Variants in TENM3 observed in about 807,000 individuals in gnomAD.
TENM3 encodes the protein teneurin transmembrane protein 3, also known as teneurin-3.
A neutral mutation model predicts 255.1 loss-of-function variants in TENM3; 63 were observed. That is an observed-to-expected ratio of 0.25 (90% CI 0.20 to 0.30). TENM3 has a LOEUF of 0.30. TENM3 is among the 10% of genes least tolerant of loss of function. The pLI is 1.00. For synonymous variants in TENM3, 1,306 were observed against 1,322.3 expected (o/e 0.99, Z 0.27); for missense variants, 2,929 against 3,461.1 (o/e 0.85, Z 3.86).
the TENM3 span, among the ~76,000 whole-genome samples, chr4:181,473,149 AAAT>A: frequency 3.9e-5 from 6 of 152,186 alleles, no homozygotes; most frequent in African/African-American, 9.7e-5. Flanking sequence ...TATTTTAATG[AAAT>A]AATGTTAAAA....
the TENM3 span, among the ~76,000 whole-genome samples, chr4:181,708,014 G>A: frequency 6.6e-6 from 1 of 151,766 alleles, no homozygotes; most frequent in African/African-American, 2.4e-5. Context: ...TGTTTCTATT[G>A]ATGCCTTCAA....
the TENM3 span, among the ~76,000 whole-genome samples, chr4:181,514,428 TG>T: frequency 6.6e-6 from 1 of 152,230 alleles, no homozygotes; most frequent in Non-Finnish European, 1.5e-5. Context: ...TCTGTACTTT[TG>T]CTACAAATTT....
At chr4:181,542,137 G>A in the TENM3 span, among the ~76,000 whole-genome samples, 9 of 152,102 alleles carry the variant, frequency 5.9e-5, no homozygotes, top group African/African-American at 9.7e-5. Context: ...ATGCTATGAC[G>A]GATGCTATGG....
intron 16 of TENM3, among the ~76,000 whole-genome samples, chr4:182,732,073 A>G (rs78293418): frequency 0.026 from 3,962 of 152,010 alleles, 64 homozygotes; most frequent in Middle Eastern, 0.044. Flanking sequence ...GAGCCACCGC[A>G]CCCGGCCTTT....
the TENM3 span, among the ~76,000 whole-genome samples, chr4:182,138,637 G>A: frequency 1.3e-5 from 2 of 152,068 alleles, no homozygotes; most frequent in Non-Finnish European, 2.9e-5. Flanking sequence ...AAATCCAAAG[G>A]GAATTTGGAG....
the TENM3 span, among the ~76,000 whole-genome samples, chr4:182,044,832 C>T: frequency 2.0e-5 from 3 of 152,124 alleles, no homozygotes; most frequent in Non-Finnish European, 4.4e-5. Context: ...AATCAGAGGG[C>T]CCACATGATA....
chr4:181,652,564 C>T, the TENM3 span, among the ~76,000 whole-genome samples: 1 of 152,172 alleles, frequency 6.6e-6, no homozygotes, highest in Non-Finnish European at 1.5e-5. Flanking sequence ...CAGCATTAAT[C>T]CCACGTTGGA....
the TENM3 span, among the ~76,000 whole-genome samples, chr4:181,760,969 TACACACACACACAC>T: frequency 1.4e-4 from 7 of 50,642 alleles, no homozygotes; most frequent in Non-Finnish European, 1.6e-4. Context: ...ACCACACACA[TACACACACACACAC>T]ACACACACAC....
At chr4:181,491,939 G>A in the TENM3 span, among the ~76,000 whole-genome samples, 3 of 152,154 alleles carry the variant, frequency 2.0e-5, no homozygotes, top group East Asian at 5.8e-4. Flanking sequence ...ATATGATAAT[G>A]TTACTTTCAT....
chr4:181,814,584 A>ATGTG, the TENM3 span, among the ~76,000 whole-genome samples: 2 of 117,004 alleles, frequency 1.7e-5, no homozygotes, highest in African/African-American at 3.6e-5. Flanking sequence ...ATATTTTTAA[A>ATGTG]TGCGTGTGTG....
At chr4:182,218,946 C>G (rs761870952) in intron 1 of TENM3, among the ~76,000 whole-genome samples, 1 of 152,156 alleles carries the variant, frequency 6.6e-6, no homozygotes, top group Non-Finnish European at 1.5e-5. Context: ...CATAATAGGC[C>G]GGGTGCAGAG....
At chr4:182,714,585 C>A (rs1374556656) in intron 13 of TENM3, among the ~76,000 whole-genome samples, 3 of 152,170 alleles carry the variant, frequency 2.0e-5, no homozygotes, top group Non-Finnish European at 4.4e-5. Flanking sequence ...TAATAACTGA[C>A]ATTCCAAAAG....
intron 3 of TENM3, among the ~76,000 whole-genome samples, chr4:182,548,207 A>G (rs1741644252): frequency 1.3e-5 from 2 of 152,140 alleles, no homozygotes; most frequent in South Asian, 2.1e-4. Context: ...CCTGGGCAAC[A>G]CAGTGAGACC....
At chr4:182,592,508 G>A (rs1746767924) in intron 3 of TENM3, among the ~76,000 whole-genome samples, 1 of 152,216 alleles carries the variant, frequency 6.6e-6, no homozygotes, top group African/African-American at 2.4e-5. Flanking sequence ...TGGATCACCT[G>A]AGGTGAGGAG....
the TENM3 span, among the ~76,000 whole-genome samples, chr4:181,529,636 G>T: frequency 6.6e-6 from 1 of 152,128 alleles, no homozygotes; most frequent in Admixed American, 6.5e-5. Flanking sequence ...TTAATGAGCT[G>T]CACTTGGAAA....
chr4:181,907,106 G>A, the TENM3 span, among the ~76,000 whole-genome samples: 6 of 152,162 alleles, frequency 3.9e-5, no homozygotes, highest in South Asian at 4.1e-4. Context: ...GGCTGGTCTC[G>A]AACTCCTGAC....
At chr4:182,713,841 A>G (rs925891383) in intron 12 of TENM3, among the ~76,000 whole-genome samples, 6 of 152,310 alleles carry the variant, frequency 3.9e-5, no homozygotes, top group Admixed American at 3.3e-4. Context: ...GCAGCTATTT[A>G]GTGGATCGTT....
the TENM3 span, among the ~76,000 whole-genome samples, chr4:181,864,837 G>A: frequency 6.6e-6 from 1 of 152,088 alleles, no homozygotes; most frequent in Non-Finnish European, 1.5e-5. Context: ...TTTACAGAGG[G>A]CACCCTCCTT....
chr4:182,188,479 G>A (rs945781608), intron 1 of TENM3, among the ~76,000 whole-genome samples: 1 of 152,150 alleles, frequency 6.6e-6, no homozygotes, highest in Admixed American at 6.5e-5. Flanking sequence ...CTAACCTACC[G>A]TAGATGAATC....
Sources: allele counts gnomAD v4.1 joint callset (sites outside exome capture counted in the v4.1 genomes callset), GRCh38; gene constraint gnomAD v4.1.1; transcripts MANE v1.5; gene names NCBI Gene and HGNC (gene_info 2026-07-23, HGNC 2026-07-21).